TMC2: variants seen among roughly 807,000 people sequenced by gnomAD.
TMC2 encodes transmembrane channel-like protein 2.
Under a neutral mutation model 105.9 loss-of-function variants are expected in TMC2, and 102 were observed. The observed-to-expected ratio is 0.96, with a 90% confidence interval of 0.82 to 1.14. TMC2 has a LOEUF of 1.14. Among genes scored for constraint, TMC2 ranks in the 50% most tolerant of loss-of-function variants. The pLI, the probability that TMC2 is intolerant of heterozygous loss-of-function variation, is 0.00. For missense variants in TMC2, 1,093 were observed against 1,134.3 expected (o/e 0.96, Z 0.52); for synonymous variants, 402 against 422.8 (o/e 0.95, Z 0.60).
chr20:2,611,256 C>A (rs2086435937), intron 12 of TMC2, among the ~76,000 whole-genome samples: 2 of 152,162 alleles, frequency 1.3e-5, no homozygotes, highest in African/African-American at 4.8e-5. Context: ...CAAAGGAGGG[C>A]CCGATGATGC....
intron 7 of TMC2, among the ~76,000 whole-genome samples, chr20:2,586,131 C>T (rs1255649725): frequency 6.6e-6 from 1 of 152,196 alleles, no homozygotes; most frequent in African/African-American, 2.4e-5. Context: ...TCTGGCATAG[C>T]ATCAGCTCAG....
chr20:2,635,547 G>A (rs1349315419), intron 17 of TMC2, among the ~76,000 whole-genome samples: 2 of 152,092 alleles, frequency 1.3e-5, no homozygotes, highest in African/African-American at 4.8e-5. Context: ...GGGGTGGGGT[G>A]GGGGTGGATT....
At chr20:2,633,067 T>C (rs1485475033) in intron 17 of TMC2, among the ~76,000 whole-genome samples, 1 of 152,248 alleles carries the variant, frequency 6.6e-6, no homozygotes, top group African/African-American at 2.4e-5. Flanking sequence ...CTGTTTTCTT[T>C]GTTGTGTGTG....
chr20:2,554,838 G>T (rs558044979), intron 2 of TMC2, among the ~76,000 whole-genome samples: 5 of 152,272 alleles, frequency 3.3e-5, no homozygotes, highest in Admixed American at 1.3e-4. Context: ...GTTAAGGTGT[G>T]TTTTATGGTC....
intron 10 of TMC2, among the ~76,000 whole-genome samples, chr20:2,599,184 C>T (rs554695680): frequency 1.3e-4 from 19 of 151,490 alleles, no homozygotes; most frequent in African/African-American, 4.4e-4. Flanking sequence ...AGGAGAATCT[C>T]TTGAATCCAA....
Position 2,579,152 on chromosome 20 carries a change from G to A in TMC2, c.652G>A (p.Val218Ile), listed in dbSNP as rs771767808. 2.6e-6 allele frequency: 4 copies of A among 1,568,596 alleles called. No individual in the cohort carries two copies. The South Asian group carries it at 3.3e-5, about 13-fold the overall frequency. Residue 218 changes from valine (V) to isoleucine (I), a missense_variant, in exon 6 of 20, where the codon GTC becomes ATC. Physicochemically the swap from Val to Ile is conservative, Grantham distance 29. Transcript: ENST00000358864. ...AYKMLMAKKWVKFKRDFDNFK... is the reference protein window; with the variant it reads ...AYKMLMAKKWIKFKRDFDNFK... ...TTTACGTCTTTTATTTCAGAAATGG[G>A]TCAAATTTAAGAGAGACTTTGATAA...
At chr20:2,622,706 AAAG>A (rs1294151882) in intron 16 of TMC2, among the ~76,000 whole-genome samples, 2 of 150,442 alleles carry the variant, frequency 1.3e-5, no homozygotes, top group African/African-American at 4.9e-5. Context: ...AAAGAAAAGA[AAAG>A]AAAGAAAAAG....
chr20:2,631,939 G>A (rs1023156055), intron 17 of TMC2, among the ~76,000 whole-genome samples: 1 of 151,898 alleles, frequency 6.6e-6, no homozygotes, highest in East Asian at 1.9e-4. Context: ...TTGTCCCATA[G>A]GCTGTGTTAT....
intron 17 of TMC2, among the ~76,000 whole-genome samples, chr20:2,634,697 T>C (rs1011245795): frequency 3.9e-5 from 6 of 152,224 alleles, no homozygotes; most frequent in Non-Finnish European, 7.3e-5. Context: ...ACAAGTTACC[T>C]CTCTGGCCTC....
At chr20:2,578,579 G>A (rs2086164028) in intron 5 of TMC2, among the ~76,000 whole-genome samples, 1 of 152,192 alleles carries the variant, frequency 6.6e-6, no homozygotes. Context: ...GATCACAGGA[G>A]GGGGCAACAT....
In TMC2 at chr20:2,642,545, C is replaced by T. The variant is rs2422818; in HGVS notation, c.*1194C>T. ...TCTCTGAAGAGTTTTGCAAAAGGTA[C>T]AATGCAGAGCGTTGTCTCTGGGGAT... On this transcript the variant is annotated 3_prime_UTR_variant, in exon 20 of 20. Coordinates refer to ENST00000358864, the MANE Select transcript of TMC2 (RefSeq NM_080751.3). Among the ~76,000 whole-genome samples the T allele has an allele frequency of 0.61, 92,829 of 152,052 alleles. 28,742 individuals are homozygous for T. The highest frequency in any genetic ancestry group is 0.86 in the East Asian group (4,435 of 5,182).
intron 17 of TMC2, among the ~76,000 whole-genome samples, chr20:2,628,232 A>G (rs899524611): frequency 4.6e-5 from 7 of 151,868 alleles, no homozygotes; most frequent in African/African-American, 1.7e-4. Context: ...CAATCCAAGA[A>G]TACTGTATTC....
intron 19 of TMC2, among the ~76,000 whole-genome samples, chr20:2,640,247 C>A (rs138105190): frequency 3.3e-5 from 5 of 152,254 alleles, no homozygotes; most frequent in African/African-American, 1.2e-4. Flanking sequence ...CCGCCTCAAA[C>A]GGCCTCCCAA....
intron 8 of TMC2, among the ~76,000 whole-genome samples, chr20:2,593,077 C>G (rs113163722): frequency 6.6e-6 from 1 of 152,130 alleles, no homozygotes; most frequent in Non-Finnish European, 1.5e-5. Flanking sequence ...TTCACAGTTC[C>G]GCATGGCTGG....
At chr20:2,577,348 T>C (rs1439095309) in intron 5 of TMC2, among the ~76,000 whole-genome samples, 2 of 151,696 alleles carry the variant, frequency 1.3e-5, no homozygotes, top group Non-Finnish European at 2.9e-5. Context: ...GCCCAAAGAG[T>C]ATTTTTGAAC....
intron 7 of TMC2, among the ~76,000 whole-genome samples, chr20:2,584,400 C>T (rs1410170950): frequency 6.9e-6 from 1 of 143,978 alleles, no homozygotes; most frequent in Non-Finnish European, 1.5e-5. Flanking sequence ...GCCGAGATCC[C>T]GCCACTGCAC....
chr20:2,588,331 T>C (rs1568515386), intron 7 of TMC2, among the ~76,000 whole-genome samples: 2 of 152,136 alleles, frequency 1.3e-5, no homozygotes, highest in African/African-American at 4.8e-5. Flanking sequence ...ATAAGTGAGC[T>C]TGGAAGAGGA....
Position 2,561,907 on chromosome 20 carries a change from G to A in TMC2, c.451G>A (p.Glu151Lys). The A allele has an allele frequency of 6.2e-7, 1 of 1,614,236 alleles. No homozygotes were observed. Among genetic ancestry groups the A allele is most frequent in the Non-Finnish European group, 8.5e-7 (1 of 1,180,036 alleles). Residue 151 changes from glutamate (E) to lysine (K), a missense_variant, in exon 4 of 20, where the codon GAG becomes AAG. Coordinates refer to ENST00000358864, the MANE Select transcript of TMC2 (RefSeq NM_080751.3). ...SASGGESLSE[E>K]ELAQILEQVE... The stretch of plus-strand genomic sequence containing the variant: ...CTCTGGTGGGGAGTCCCTGTCCGAG[G>A]AGGAACTGGCCCAGATCCTGGAGCA...
chr20:2,545,822 G>GAAGAAAGAAAGAAAGAAAGAAAGAAAGA lies in TMC2; in HGVS notation c.82+8511_82+8538dup, dbSNP rs56859666. On this transcript the variant is annotated intron_variant, in intron 2 of 19. Transcript: ENST00000358864. ...GAAGGAAGAAGAAGAAGAGGAAGAG[G>GAAGAAAGAAAGAAAGAAAGAAAGAAAGA]AAGAAAGAAAGAAAGAAAGAAAGAA... is the stretch of plus-strand genomic sequence containing the variant. Among the ~76,000 whole-genome samples the GAAGAAAGAAAGAAAGAAAGAAAGAAAGA allele has an allele frequency of 1.1e-3, 133 of 117,966 alleles. 1 individual carries two copies. The highest frequency in any genetic ancestry group is 2.4e-3 in the African/African-American group (69 of 28,580). 77.4% of individuals were successfully genotyped at this position (117,966 alleles called of 152,430 possible).
Sources: allele counts gnomAD v4.1 joint callset (sites outside exome capture counted in the v4.1 genomes callset), GRCh38; gene constraint gnomAD v4.1.1; transcripts MANE v1.5; gene names NCBI Gene and HGNC (gene_info 2026-07-23, HGNC 2026-07-21).